The following ERG variants were observed in gnomAD, a reference collection of about 807,000 sequenced individuals.
ERG encodes the protein ETS transcription factor ERG, also known as transcriptional regulator ERG.
ERG carries 9 observed loss-of-function variants against 55.3 expected under a neutral mutation model. The observed-to-expected ratio is 0.16, with a 90% CI of 0.10 to 0.28. ERG has a LOEUF of 0.28. Among genes scored for constraint, ERG ranks in the 10% least tolerant of loss-of-function variants. The pLI, the probability that ERG is intolerant of heterozygous loss-of-function variation, is 1.00. For synonymous variants in ERG, 223 were observed against 237.3 expected (o/e 0.94, Z 0.55); for missense variants, 434 against 631.6 (o/e 0.69, Z 3.35).
chr21:38,595,754 C>T (rs1392457536), intron 1 of ERG, among the ~76,000 whole-genome samples: 1 of 152,088 alleles, frequency 6.6e-6, no homozygotes, highest in East Asian at 1.9e-4. Context: ...GGAGAGGGTC[C>T]GCACCTGGAG....
intron 1 of ERG, among the ~76,000 whole-genome samples, chr21:38,608,136 A>G (rs953515498): frequency 4.6e-5 from 7 of 152,246 alleles, no homozygotes; most frequent in Admixed American, 1.3e-4. Context: ...ACTTGTCAAA[A>G]CATAAATATT....
intron 1 of ERG, among the ~76,000 whole-genome samples, chr21:38,472,381 C>T (rs2059147636): frequency 6.6e-6 from 1 of 152,168 alleles, no homozygotes; most frequent in South Asian, 2.1e-4. Flanking sequence ...AATAAACACC[C>T]TTCAATTACC....
At chr21:38,563,186 T>A (rs915673195) in intron 2 of ERG, among the ~76,000 whole-genome samples, 1 of 152,188 alleles carries the variant, frequency 6.6e-6, no homozygotes, top group African/African-American at 2.4e-5. Flanking sequence ...TGTATGATAT[T>A]ATAATGGTGG....
intron 3 of ERG, among the ~76,000 whole-genome samples, chr21:38,420,825 A>T (rs17230512): frequency 0.065 from 9,920 of 152,276 alleles, 436 homozygotes; most frequent in Non-Finnish European, 0.088. Flanking sequence ...TGATTCAATG[A>T]GGAACCAAGC....
chr21:38,545,784 C>T (rs1450047583), intron 2 of ERG, among the ~76,000 whole-genome samples: 1 of 152,220 alleles, frequency 6.6e-6, no homozygotes, highest in Non-Finnish European at 1.5e-5. Flanking sequence ...GACATGACCA[C>T]ATCCAATCCC....
At chr21:38,437,600 A>C (rs2058802826) in intron 2 of ERG, among the ~76,000 whole-genome samples, 1 of 152,206 alleles carries the variant, frequency 6.6e-6, no homozygotes, top group African/African-American at 2.4e-5. Context: ...GGTGATGCTT[A>C]AAAGGGGCCC....
intron 3 of ERG, among the ~76,000 whole-genome samples, chr21:38,410,043 A>G (rs961581950): frequency 2.0e-5 from 3 of 152,246 alleles, no homozygotes; most frequent in Admixed American, 6.5e-5. Context: ...GGGTAATTAA[A>G]TGAAATGTTA....
At chr21:38,638,072 C>T (rs1444674714) in intron 1 of ERG, among the ~76,000 whole-genome samples, 1 of 152,170 alleles carries the variant, frequency 6.6e-6, no homozygotes, top group Non-Finnish European at 1.5e-5. Context: ...ACATGCAACT[C>T]GAAATGCTGA....
rs1217578695 is a variant in ERG at position 38,548,417 on chromosome 21, T to TTTCCTCTC, written c.-41+27237_-41+27244dup. 2.6e-5 allele frequency among the ~76,000 whole-genome samples: 4 copies of TTTCCTCTC among 152,172 alleles called. No homozygotes were observed. The East Asian group carries it at 7.8e-4, about 30-fold the overall frequency. On this transcript the variant is annotated intron_variant, in intron 2 of 8. Coordinates refer to the ERG transcript ENST00000398897. ...GCAACGATTCCAAGATCCTTATAGTTTTCCTCTCTTAAACAGAGACCATTA... is the reference window on the plus strand; with the variant it reads ...GCAACGATTCCAAGATCCTTATAGTTTTCCTCTCTTCCTCTCTTAAACAGAGACCATTA...
At chr21:38,583,723 T>C (rs1002895644) in intron 1 of ERG, among the ~76,000 whole-genome samples, 3 of 151,974 alleles carry the variant, frequency 2.0e-5, no homozygotes. Context: ...ATGTGACTGA[T>C]CCACTTACAA....
chr21:38,431,126 A>G (rs886650990), intron 2 of ERG, among the ~76,000 whole-genome samples: 2 of 152,212 alleles, frequency 1.3e-5, no homozygotes, highest in Non-Finnish European at 2.9e-5. Context: ...ACATACTAGT[A>G]TTCTGAATTA....
At chr21:38,643,905 A>C (rs1347494553) in intron 1 of ERG, among the ~76,000 whole-genome samples, 1 of 152,254 alleles carries the variant, frequency 6.6e-6, no homozygotes, top group Non-Finnish European at 1.5e-5. Flanking sequence ...CTGTCCAGGC[A>C]GTGAGTAACT....
intron 1 of ERG, among the ~76,000 whole-genome samples, chr21:38,651,727 T>C (rs2060489974): frequency 6.6e-6 from 1 of 152,052 alleles, no homozygotes; most frequent in African/African-American, 2.4e-5. Flanking sequence ...TGCCTCCACG[T>C]CACTCGCTCC....
upstream of ERG, among the ~76,000 whole-genome samples, chr21:38,499,151 T>C (rs2059402649): frequency 6.6e-6 from 1 of 152,178 alleles, no homozygotes; most frequent in South Asian, 2.1e-4. Context: ...CCTTCCTAAG[T>C]CTTGTTTTCA....
At chr21:38,508,599 A>T (rs1248900962) in intron 2 of ERG, among the ~76,000 whole-genome samples, 1 of 152,196 alleles carries the variant, frequency 6.6e-6, no homozygotes, top group African/African-American at 2.4e-5. Context: ...TTTCCAGCCA[A>T]ACTATTTAGG....
intron 1 of ERG, among the ~76,000 whole-genome samples, chr21:38,492,153 G>T (rs2059341866): frequency 6.6e-6 from 1 of 152,230 alleles, no homozygotes; most frequent in Non-Finnish European, 1.5e-5. Context: ...AAGGGAGACA[G>T]ATTTGTGTGA....
chr21:38,592,326 G>C (rs1425662085), intron 1 of ERG, among the ~76,000 whole-genome samples: 1 of 152,218 alleles, frequency 6.6e-6, no homozygotes, highest in Non-Finnish European at 1.5e-5. Context: ...GCCAAAGAGA[G>C]ACCAAGAAGC....
At chr21:38,394,081 A>T (rs960254947) in intron 6 of ERG, among the ~76,000 whole-genome samples, 1 of 152,178 alleles carries the variant, frequency 6.6e-6, no homozygotes, top group Non-Finnish European at 1.5e-5. Context: ...CCAGAGTTTC[A>T]ATTTGCAAAT....
At chr21:38,545,783 A>T (rs2059784314) in intron 2 of ERG, among the ~76,000 whole-genome samples, 1 of 152,178 alleles carries the variant, frequency 6.6e-6, no homozygotes, top group Non-Finnish European at 1.5e-5. Flanking sequence ...TGACATGACC[A>T]CATCCAATCC....
Sources: allele counts gnomAD v4.1 joint callset (sites outside exome capture counted in the v4.1 genomes callset), GRCh38; gene constraint gnomAD v4.1.1; transcripts MANE v1.5; gene names NCBI Gene and HGNC (gene_info 2026-07-23, HGNC 2026-07-21).